Variants in LRRC37A2 observed in about 807,000 individuals in gnomAD.
LRRC37A2 encodes leucine-rich repeat-containing protein 37A2.
A neutral mutation model predicts 68.8 loss-of-function variants in LRRC37A2; 9 were observed. The ratio of observed to expected loss-of-function variants is 0.13; its 90% CI spans 0.08 to 0.23. The LOEUF (loss-of-function observed/expected upper bound fraction) is 0.23, where lower values mean the gene tolerates loss of function less well. Among genes scored for constraint, LRRC37A2 ranks in the 10% least tolerant of loss-of-function variants. LRRC37A2 has a pLI of 1.00. For missense variants in LRRC37A2, 168 were observed against 950.4 expected (o/e 0.18, Z 10.82); for synonymous variants, 63 against 367.6 (o/e 0.17, Z 9.48).
the LRRC37A2 span, among the ~76,000 whole-genome samples, chr17:46,720,906 G>C: frequency 1.4e-4 from 21 of 152,226 alleles, no homozygotes; most frequent in Non-Finnish European, 2.9e-4. Flanking sequence ...ATCCCGAAAG[G>C]CTGGGATTAA....
At chr17:46,691,791 C>T in the LRRC37A2 span, among the ~76,000 whole-genome samples, 4 of 151,424 alleles carry the variant, frequency 2.6e-5, no homozygotes, top group Non-Finnish European at 5.9e-5. Flanking sequence ...CTCACTCTGT[C>T]GCCCAGGCTG....
chr17:46,968,439 G>T, the LRRC37A2 span, among the ~76,000 whole-genome samples: 3 of 152,204 alleles, frequency 2.0e-5, no homozygotes, highest in Non-Finnish European at 4.4e-5. Context: ...TGCCTGGGGT[G>T]TCCCTCCATG....
chr17:46,766,509 C>T, the LRRC37A2 span, among the ~76,000 whole-genome samples: 1 of 152,112 alleles, frequency 6.6e-6, no homozygotes, highest in African/African-American at 2.4e-5. Context: ...CGAGTGGAGG[C>T]GCTGGATTCA....
the LRRC37A2 span, among the ~76,000 whole-genome samples, chr17:46,461,467 G>A: frequency 9.5e-6 from 1 of 105,162 alleles, no homozygotes; most frequent in African/African-American, 3.4e-5. Context: ...GTTACCTATG[G>A]GGAAAGGTCA....
At chr17:46,979,283 G>C in the LRRC37A2 span, 1 of 280,248 alleles carries the variant, frequency 3.6e-6, no homozygotes, top group Non-Finnish European at 7.0e-6. Flanking sequence ...GGTTCCTCGC[G>C]CGCCTGGCCG....
chr17:47,038,373 T>A, the LRRC37A2 span, among the ~76,000 whole-genome samples: 1 of 152,000 alleles, frequency 6.6e-6, no homozygotes, highest in South Asian at 2.1e-4. Context: ...CCCTGTACTT[T>A]GGGAGGCCAA....
At chr17:46,868,981 C>A in the LRRC37A2 span, among the ~76,000 whole-genome samples, 1 of 152,182 alleles carries the variant, frequency 6.6e-6, no homozygotes, top group African/African-American at 2.4e-5. Flanking sequence ...GGTACTATTT[C>A]TTCAAAGGAA....
chr17:46,892,331 T>G, the LRRC37A2 span, among the ~76,000 whole-genome samples: 1 of 152,062 alleles, frequency 6.6e-6, no homozygotes, highest in Non-Finnish European at 1.5e-5. Context: ...ATACCTCCAA[T>G]GCCCCTCAAG....
At chr17:46,850,310 G>T in the LRRC37A2 span, among the ~76,000 whole-genome samples, 1 of 152,216 alleles carries the variant, frequency 6.6e-6, no homozygotes, top group Non-Finnish European at 1.5e-5. Flanking sequence ...GATAGGGCTG[G>T]CAGAGCTGTT....
the LRRC37A2 span, chr17:47,018,338 C>G: frequency 6.2e-7 from 1 of 1,611,140 alleles, no homozygotes; most frequent in Non-Finnish European, 8.5e-7. Flanking sequence ...AGCAGGAGAC[C>G]CCAGGTCAGC....
the LRRC37A2 span, among the ~76,000 whole-genome samples, chr17:46,807,044 A>G: frequency 2.6e-5 from 4 of 152,194 alleles, no homozygotes; most frequent in Non-Finnish European, 4.4e-5. Context: ...GGACATAGTC[A>G]TTGGCCAGGA....
the LRRC37A2 span, among the ~76,000 whole-genome samples, chr17:46,847,388 TCATGGCCCA>T: frequency 6.6e-6 from 1 of 152,226 alleles, no homozygotes; most frequent in Non-Finnish European, 1.5e-5. Flanking sequence ...ATGGGGACAA[TCATGGCCCA>T]CATGCTACCT....
At chr17:46,780,484 A>G in the LRRC37A2 span, among the ~76,000 whole-genome samples, 1 of 152,382 alleles carries the variant, frequency 6.6e-6, no homozygotes, top group East Asian at 1.9e-4. Context: ...TATACGCCCA[A>G]AAGAATTGAA....
the LRRC37A2 span, among the ~76,000 whole-genome samples, chr17:46,957,278 C>T: frequency 6.6e-6 from 1 of 152,042 alleles, no homozygotes; most frequent in Admixed American, 6.6e-5. Flanking sequence ...GTACACCAGC[C>T]TGGGCAACAG....
At chr17:46,887,872 T>G in the LRRC37A2 span, among the ~76,000 whole-genome samples, 2 of 152,108 alleles carry the variant, frequency 1.3e-5, no homozygotes, top group Admixed American at 1.3e-4. Context: ...ATGAAGCAAT[T>G]AGTGAGACAG....
chr17:46,694,828 AAG>A, the LRRC37A2 span, among the ~76,000 whole-genome samples: 1 of 137,126 alleles, frequency 7.3e-6, no homozygotes, highest in South Asian at 2.4e-4. Context: ...AGCAGGAAGG[AAG>A]ATAATGTTTG....
chr17:46,929,742 G>T, the LRRC37A2 span: 86 of 625,390 alleles, frequency 1.4e-4, no homozygotes, highest in African/African-American at 1.4e-3. Context: ...CAAAGTCACT[G>T]ATTTCCCTGA....
the LRRC37A2 span, among the ~76,000 whole-genome samples, chr17:46,905,364 C>A: frequency 3.3e-5 from 5 of 152,316 alleles, no homozygotes; most frequent in Admixed American, 3.3e-4. Flanking sequence ...ATGTGAGCCA[C>A]CGTATCCAGC....
chr17:46,795,240 T>C, the LRRC37A2 span, among the ~76,000 whole-genome samples: 2 of 152,012 alleles, frequency 1.3e-5, no homozygotes, highest in African/African-American at 4.8e-5. Context: ...ATCCGAAACC[T>C]CCTACCCCAC....
Sources: gnomAD v4.1 joint callset for allele counts (sites outside exome capture counted in the v4.1 genomes callset) on GRCh38, gnomAD v4.1.1 for gene constraint, MANE v1.5 for transcripts, NCBI Gene and HGNC (gene_info 2026-07-23, HGNC 2026-07-21) for gene names.